Variants in CLIC2 observed in about 807,000 individuals in gnomAD.
CLIC2 encodes chloride intracellular channel protein 2.
In CLIC2, 9 loss-of-function variants were observed where a neutral mutation model predicts 14.8. That is an observed-to-expected ratio of 0.61 (90% CI 0.37 to 1.06). The LOEUF is 1.06. Among genes scored for constraint, CLIC2 ranks in the 50% least tolerant of loss-of-function variants. The pLI, the probability that CLIC2 is intolerant of heterozygous loss-of-function variation, is 0.01. For synonymous variants in CLIC2, 61 were observed against 66.3 expected, an observed-to-expected ratio of 0.92 and a Z score of 0.39; for missense variants, 148 against 181.4, an observed-to-expected ratio of 0.82 and a Z score of 1.06.
intron 1 of CLIC2, among the ~76,000 whole-genome samples, chrX:155,304,967 C>A (rs2075045097): frequency 9.3e-6 from 1 of 107,893 alleles, no homozygotes; most frequent in Admixed American, 9.9e-5. Flanking sequence ...GCTGGGAGAA[C>A]CACTGCTCTC....
chrX:155,292,059 A>T, intron 3 of CLIC2: 1 of 554,739 alleles, frequency 1.8e-6, no homozygotes, highest in South Asian at 2.3e-5. Context: ...GGCTCAGGAG[A>T]TGGTTCTAGG....
chrX:155,298,054 G>A (rs2075000540), intron 3 of CLIC2, among the ~76,000 whole-genome samples: 2 of 107,646 alleles, frequency 1.9e-5, no homozygotes, highest in South Asian at 8.3e-4. Flanking sequence ...ATAGCTGCAA[G>A]GAACTGAATT....
chrX:155,291,061 C>A (rs1448717162), intron 3 of CLIC2: 13 of 798,169 alleles, frequency 1.6e-5, no homozygotes, highest in Non-Finnish European at 2.5e-5. Context: ...TCCAGAGTTG[C>A]TCTTGTTGCT....
At chrX:155,299,971 T>C (rs1166791893) in intron 1 of CLIC2, among the ~76,000 whole-genome samples, 5 of 110,530 alleles carry the variant, frequency 4.5e-5, no homozygotes, top group Non-Finnish European at 9.5e-5. Flanking sequence ...GAATCCAGTC[T>C]ATCATTGTTG....
At chrX:155,331,963 T>A (rs2075158388) in intron 1 of CLIC2, among the ~76,000 whole-genome samples, 1 of 111,663 alleles carries the variant, frequency 9.0e-6, no homozygotes, top group Non-Finnish European at 1.9e-5. Flanking sequence ...TTGGCCCAAA[T>A]GTTAAATTCC....
At chrX:155,305,266 G>A (rs781985845) in intron 1 of CLIC2, among the ~76,000 whole-genome samples, 13 of 112,239 alleles carry the variant, frequency 1.2e-4, no homozygotes, top group Admixed American at 9.4e-5. Context: ...AGCCAGGTGC[G>A]GGATATGTGG....
chrX:155,291,575 G>A (rs1358409573), intron 3 of CLIC2, among the ~76,000 whole-genome samples: 2 of 111,957 alleles, frequency 1.8e-5, no homozygotes, highest in African/African-American at 6.5e-5. Flanking sequence ...GGTAAGAAGG[G>A]CATCCTTGTC....
chrX:155,280,960 T>A (rs1396372038), intron 3 of CLIC2, among the ~76,000 whole-genome samples: 2 of 99,900 alleles, frequency 2.0e-5, no homozygotes, highest in Non-Finnish European at 4.0e-5. Context: ...TAAGTTCCCA[T>A]CAACAGATGA....
intron 1 of CLIC2, chrX:155,310,196 C>T (rs2075069010): frequency 8.1e-6 from 1 of 123,451 alleles, no homozygotes; most frequent in African/African-American, 3.2e-5. Flanking sequence ...TCATGTCTTG[C>T]ATCTGGGTCA....
intron 1 of CLIC2, among the ~76,000 whole-genome samples, chrX:155,308,363 G>A (rs781976076): frequency 9.2e-5 from 10 of 109,257 alleles, no homozygotes; most frequent in African/African-American, 3.3e-4. Flanking sequence ...ACACACAGAC[G>A]AGAAAAAAGA....
chrX:155,288,194 AT>A (rs2074949806), intron 3 of CLIC2, among the ~76,000 whole-genome samples: 1 of 111,408 alleles, frequency 9.0e-6, no homozygotes, highest in Non-Finnish European at 1.9e-5. Context: ...TTTTATTGTG[AT>A]ACAAAATGCA....
chrX:155,314,111 T>C lies in CLIC2; in HGVS notation c.58-14966A>G, dbSNP rs1303020173. 3.6e-5 allele frequency among the ~76,000 whole-genome samples: 4 copies of C among 110,804 alleles called. No individual in the cohort carries two copies. The East Asian group carries it at 1.1e-3, about 32-fold the overall frequency. The stretch of plus-strand genomic sequence containing the variant: ...GTGGTCTTTCTCTACCCACCCTGGT[T>C]GCAAGGACAAGGGACATAATCTCTT... On this transcript the variant is annotated intron_variant, in intron 1 of 5. Coordinates refer to ENST00000369449, the MANE Select transcript of CLIC2 (RefSeq NM_001289.6).
intron 1 of CLIC2, among the ~76,000 whole-genome samples, chrX:155,300,551 T>C (rs1247280649): frequency 9.0e-6 from 1 of 111,498 alleles, no homozygotes; most frequent in Non-Finnish European, 1.9e-5. Context: ...GATGGTAGTT[T>C]CTTTTGCTGT....
chrX:155,312,996 A>C (rs1440420233), intron 1 of CLIC2, among the ~76,000 whole-genome samples: 2 of 111,015 alleles, frequency 1.8e-5, no homozygotes, highest in East Asian at 5.6e-4. Context: ...GAGAAATTCA[A>C]ATCAAAACCA....
intron 1 of CLIC2, among the ~76,000 whole-genome samples, chrX:155,327,314 G>A (rs1345259240): frequency 9.0e-6 from 1 of 111,114 alleles, no homozygotes; most frequent in African/African-American, 3.3e-5. Flanking sequence ...AATTAATTTT[G>A]TACCAACTTA....
At chrX:155,285,945 G>A (rs1311732471) in intron 3 of CLIC2, among the ~76,000 whole-genome samples, 1 of 109,102 alleles carries the variant, frequency 9.2e-6, no homozygotes, top group Non-Finnish European at 1.9e-5. Context: ...CTCCAAAGCC[G>A]AAAGAGGAGG....
intron 3 of CLIC2, among the ~76,000 whole-genome samples, chrX:155,285,797 G>A (rs1251879485): frequency 2.7e-5 from 3 of 109,543 alleles, no homozygotes; most frequent in African/African-American, 6.7e-5. Flanking sequence ...AGTTTCTTAT[G>A]TGAGAAAAAT....
intron 1 of CLIC2, among the ~76,000 whole-genome samples, chrX:155,317,233 GAAAC>G (rs1393104628): frequency 1.8e-5 from 2 of 111,613 alleles, no homozygotes; most frequent in Non-Finnish European, 1.9e-5. Flanking sequence ...AAGTGAAATT[GAAAC>G]AAACAAACAA....
chrX:155,319,786 G>A (rs2075107623), intron 1 of CLIC2, among the ~76,000 whole-genome samples: 1 of 112,005 alleles, frequency 8.9e-6, no homozygotes, highest in Non-Finnish European at 1.9e-5. Context: ...ATCCCATGGA[G>A]CCCAGCAAGC....
Sources: allele counts gnomAD v4.1 joint callset (sites outside exome capture counted in the v4.1 genomes callset), GRCh38; gene constraint gnomAD v4.1.1; transcripts MANE v1.5; gene names NCBI Gene and HGNC (gene_info 2026-07-23, HGNC 2026-07-21).